SEC11C: variants seen among roughly 807,000 people sequenced by gnomAD.
The protein encoded by SEC11C is SEC11 homolog C, signal peptidase complex subunit.
Under a neutral mutation model 21.9 loss-of-function variants are expected in SEC11C, and 10 were observed. The ratio of observed to expected loss-of-function variants is 0.46; its 90% CI spans 0.28 to 0.77. The LOEUF is 0.77. SEC11C is among the 30% of genes least tolerant of loss of function. SEC11C has a pLI of 0.12. For missense variants in SEC11C, 145 were observed against 244.5 expected, an observed-to-expected ratio of 0.59 and a Z score of 2.71; for synonymous variants, 83 against 85.6, an observed-to-expected ratio of 0.97 and a Z score of 0.17.
At chr18:59,154,807 T>G (rs2069400858) in intron 3 of SEC11C, among the ~76,000 whole-genome samples, 1 of 152,248 alleles carries the variant, frequency 6.6e-6, no homozygotes, top group Non-Finnish European at 1.5e-5. Flanking sequence ...GGCTTATGCC[T>G]GTAATCCCAG....
rs1202823990 is a variant in SEC11C at position 59,155,715 on chromosome 18, T to C, written c.375T>C (p.Thr125=). The change falls in exon 4 of 6, where the codon ACT becomes ACC. Residue 125 remains threonine, a synonymous_variant. Transcript: ENST00000587834. ...ATAATGGAGACATCAAATTTCTGACTAAAGGAGATAATAATGAAGTTGATG... is the reference window on the plus strand; with the variant it reads ...ATAATGGAGACATCAAATTTCTGACCAAAGGAGATAATAATGAAGTTGATG... The part of the protein sequence containing the change: ...EKDNGDIKFL[T]KGDNNEVDDR... 6.2e-7 allele frequency: 1 copy of C among 1,613,642 alleles called. No individual in the cohort carries two copies. The highest frequency in any genetic ancestry group is 1.7e-5 in the Admixed American group (1 of 59,990).
Position 59,152,241 on chromosome 18 carries a change from T to G in SEC11C, c.198-295T>G, listed in dbSNP as rs184775115. Among the ~76,000 whole-genome samples the G allele has an allele frequency of 1.6e-4, 24 of 152,080 alleles. No homozygotes were observed. The East Asian group carries it at 2.9e-3, about 18-fold the overall frequency. ...TACTATATTTGTAGATGCAGGACTT[T>G]TTTTAAAGCTAAAAATTGGTAGCTT... On this transcript the variant is annotated intron_variant, in intron 2 of 5. Transcript: ENST00000587834.
At chr18:59,152,969 TGTTA>T (rs1322546341) in intron 3 of SEC11C, 2 of 205,518 alleles carry the variant, frequency 9.7e-6, no homozygotes, top group Non-Finnish European at 1.9e-5. Flanking sequence ...TATTATGACA[TGTTA>T]GTTATTTGAA....
At chr18:59,150,332 A>G (rs1189130778) in intron 2 of SEC11C, among the ~76,000 whole-genome samples, 2 of 152,214 alleles carry the variant, frequency 1.3e-5, no homozygotes, top group Non-Finnish European at 2.9e-5. Context: ...CTACCAGTGC[A>G]GGAGTTGAGG....
intron 1 of SEC11C, among the ~76,000 whole-genome samples, 200 bp from the exon 2 acceptor site, chr18:59,149,313 C>T (rs1568065367): frequency 6.6e-6 from 1 of 152,232 alleles, no homozygotes; most frequent in African/African-American, 2.4e-5. Context: ...CCTCCCTTCT[C>T]TCTCACTTAA....
chr18:59,150,721 A>C (rs1335334235), intron 2 of SEC11C, among the ~76,000 whole-genome samples: 2 of 151,974 alleles, frequency 1.3e-5, no homozygotes, highest in Non-Finnish European at 2.9e-5. Flanking sequence ...GTAAGATTTC[A>C]TGTGAAGGAA....
At chr18:59,152,376 G>A (rs1032730610) in intron 2 of SEC11C, among the ~76,000 whole-genome samples, 160 bp from the exon 3 acceptor site, 5 of 151,994 alleles carry the variant, frequency 3.3e-5, no homozygotes, top group Admixed American at 1.3e-4. Flanking sequence ...ATTTCCTTTC[G>A]CACATGTTAC....
At chr18:59,146,244 G>T (rs571618625) in intron 1 of SEC11C, among the ~76,000 whole-genome samples, 24 of 152,320 alleles carry the variant, frequency 1.6e-4, no homozygotes, top group South Asian at 1.2e-3. Context: ...TGGGTAGGGG[G>T]TGGCTCCAAA....
chr18:59,154,329 C>A (rs983074305), intron 3 of SEC11C, among the ~76,000 whole-genome samples: 1 of 152,186 alleles, frequency 6.6e-6, no homozygotes, highest in African/African-American at 2.4e-5. Context: ...ACCGTGGCTG[C>A]AAATCAGCTT....
chr18:59,140,590 A>C (rs958289580), intron 1 of SEC11C, among the ~76,000 whole-genome samples: 1 of 152,172 alleles, frequency 6.6e-6, no homozygotes, highest in African/African-American at 2.4e-5. Context: ...GAGAGCTCAC[A>C]AGCTGTGCGC....
intron 4 of SEC11C, chr18:59,156,858 G>C (rs2069423730): frequency 1.3e-5 from 2 of 152,172 alleles, no homozygotes; most frequent in Admixed American, 1.3e-4. Context: ...ACATCTCCGG[G>C]GGGACCAGGA....
At chr18:59,152,398 G>C (rs2069366310) in intron 2 of SEC11C, 138 bp from the exon 3 acceptor site, 1 of 844,046 alleles carries the variant, frequency 1.2e-6, no homozygotes, top group Non-Finnish European at 1.8e-6. Context: ...ACCTTGAGCA[G>C]TTAAGAAGGA....
At chr18:59,155,382 G>A (rs960703538) in intron 3 of SEC11C, among the ~76,000 whole-genome samples, 10 of 152,230 alleles carry the variant, frequency 6.6e-5, no homozygotes, top group African/African-American at 2.4e-4. Context: ...AAGCCATGTG[G>A]TAAGAAGGAA....
chr18:59,156,665 G>A (rs1379117893), intron 4 of SEC11C: 1 of 151,934 alleles, frequency 6.6e-6, no homozygotes, highest in Non-Finnish European at 1.5e-5. Flanking sequence ...CCCCTCTCTT[G>A]GCAACCCTTT....
chr18:59,145,043 C>T (rs2069254632), intron 1 of SEC11C, among the ~76,000 whole-genome samples: 1 of 152,192 alleles, frequency 6.6e-6, no homozygotes, highest in Non-Finnish European at 1.5e-5. Context: ...GAAATGATCC[C>T]TACTTTTGTG....
At chr18:59,153,925 T>G (rs2069389154) in intron 3 of SEC11C, among the ~76,000 whole-genome samples, 1 of 152,146 alleles carries the variant, frequency 6.6e-6, no homozygotes, top group Non-Finnish European at 1.5e-5. Flanking sequence ...CAGGCTGATC[T>G]CGAACTCCTG....
intron 1 of SEC11C, among the ~76,000 whole-genome samples, chr18:59,144,642 T>C (rs1203545202): frequency 1.3e-5 from 2 of 151,340 alleles, no homozygotes; most frequent in Non-Finnish European, 1.5e-5. Context: ...GGAGGATCCA[T>C]TGAGCCCAGG....
chr18:59,154,237 A>G (rs1406424288), intron 3 of SEC11C, among the ~76,000 whole-genome samples: 1 of 152,292 alleles, frequency 6.6e-6, no homozygotes, highest in South Asian at 2.1e-4. Flanking sequence ...AATTGTTCCA[A>G]GTTGAGGAAG....
At chr18:59,142,176 A>G (rs777267763) in intron 1 of SEC11C, among the ~76,000 whole-genome samples, 21 of 152,166 alleles carry the variant, frequency 1.4e-4, no homozygotes, top group Non-Finnish European at 2.2e-4. Context: ...AGGTGTTAAA[A>G]GTGTGATCTG....
Sources: allele counts gnomAD v4.1 joint callset (sites outside exome capture counted in the v4.1 genomes callset), GRCh38; gene constraint gnomAD v4.1.1; transcripts MANE v1.5; gene names NCBI Gene and HGNC (gene_info 2026-07-23, HGNC 2026-07-21).